Variants in EXOC6B observed in about 807,000 individuals in gnomAD.
EXOC6B encodes exocyst complex component 6B.
A neutral mutation model predicts 113.5 loss-of-function variants in EXOC6B; 54 were observed. The ratio of observed to expected loss-of-function variants is 0.48; its 90% CI spans 0.38 to 0.60. The LOEUF (loss-of-function observed/expected upper bound fraction) is 0.60, where lower values mean the gene tolerates loss of function less well. Among genes scored for constraint, EXOC6B ranks in the 20% least tolerant of loss-of-function variants. EXOC6B has a pLI of 0.00. For synonymous variants in EXOC6B, 357 were observed against 339.0 expected, an observed-to-expected ratio of 1.05 and a Z score of -0.58; for missense variants, 797 against 977.5, an observed-to-expected ratio of 0.82 and a Z score of 2.46.
At chr2:72,249,317 T>C (rs986357183) in intron 20 of EXOC6B, among the ~76,000 whole-genome samples, 6 of 152,124 alleles carry the variant, frequency 3.9e-5, no homozygotes, top group Non-Finnish European at 7.4e-5. Flanking sequence ...TGGAGTGCAG[T>C]GGTGCAATCT....
In EXOC6B at chr2:72,246,476, C is replaced by G. The variant is rs571994304; in HGVS notation, c.2197-62289G>C. Among the ~76,000 whole-genome samples the G allele has an allele frequency of 8.4e-4, 128 of 151,530 alleles. 1 individual carries two copies. Among genetic ancestry groups the G allele is most frequent in the African/African-American group, 3.0e-3 (123 of 41,224 alleles). ...GACTTACTGATGTAAGTCCGGAATG[C>G]CAATACTCTCTGGAATAGGTTAACT... On this transcript the variant is annotated intron_variant, in intron 20 of 21. Transcript: ENST00000272427.
At chr2:72,443,408 A>G (rs1247717932) in intron 18 of EXOC6B, among the ~76,000 whole-genome samples, 1 of 152,066 alleles carries the variant, frequency 6.6e-6, no homozygotes, top group Non-Finnish European at 1.5e-5. Flanking sequence ...TACATGTACA[A>G]CCATCTGATC....
At chr2:72,338,954 CACATACACAT>C (rs1425898292) in intron 19 of EXOC6B, among the ~76,000 whole-genome samples, 1 of 150,510 alleles carries the variant, frequency 6.6e-6, no homozygotes, top group Non-Finnish European at 1.5e-5. Context: ...CATACACATA[CACATACACAT>C]ACATACACAT....
chr2:72,652,351 T>G (rs1674238603), intron 6 of EXOC6B, among the ~76,000 whole-genome samples: 2 of 152,222 alleles, frequency 1.3e-5, no homozygotes, highest in South Asian at 4.1e-4. Flanking sequence ...GAGTTTGATT[T>G]ACTTGTCAAG....
intron 6 of EXOC6B, among the ~76,000 whole-genome samples, chr2:72,628,282 G>A (rs1331438281): frequency 1.3e-5 from 2 of 151,726 alleles, no homozygotes; most frequent in Non-Finnish European, 2.9e-5. Context: ...CACCACCACT[G>A]CTGCCTAATT....
At chr2:72,621,186 C>A (rs1671721815) in intron 6 of EXOC6B, among the ~76,000 whole-genome samples, 1 of 151,972 alleles carries the variant, frequency 6.6e-6, no homozygotes, top group South Asian at 2.1e-4. Context: ...ATCACTATGC[C>A]AAAAGACACA....
At chr2:72,575,009 T>C (rs1472757519) in intron 7 of EXOC6B, among the ~76,000 whole-genome samples, 1 of 152,342 alleles carries the variant, frequency 6.6e-6, no homozygotes, top group East Asian at 1.9e-4. Context: ...ATCACTCATA[T>C]ATTTATTTCC....
At chr2:72,199,637 T>C (rs896917642) in intron 20 of EXOC6B, among the ~76,000 whole-genome samples, 3 of 152,134 alleles carry the variant, frequency 2.0e-5, no homozygotes, top group African/African-American at 7.2e-5. Context: ...TACCCTTCCT[T>C]TTCTATCAGA....
At chr2:72,603,857 T>C (rs1303883832) in intron 6 of EXOC6B, among the ~76,000 whole-genome samples, 1 of 152,152 alleles carries the variant, frequency 6.6e-6, no homozygotes, top group African/African-American at 2.4e-5. Context: ...ATGTTTTTTG[T>C]TCCTGAAAGA....
At chr2:72,787,820 T>G (rs1490846106) in intron 1 of EXOC6B, among the ~76,000 whole-genome samples, 1 of 152,148 alleles carries the variant, frequency 6.6e-6, no homozygotes, top group Non-Finnish European at 1.5e-5. Flanking sequence ...TTTTTTCTTG[T>G]AGAGATGGGG....
In EXOC6B at chr2:72,401,601, ATGTG is replaced by A. The variant is rs1236320220; in HGVS notation, c.1981-21735_1981-21732del. ...TATATACATATATATATATATATAT[ATGTG>A]TATATATATATATATACATATATAT... is the stretch of plus-strand genomic sequence containing the variant. On this transcript the variant is annotated intron_variant, in intron 18 of 21. Transcript: ENST00000272427. Among the ~76,000 whole-genome samples the A allele has an allele frequency of 1.3e-3, 36 of 27,904 alleles. 1 individual carries two copies. Among genetic ancestry groups the A allele is most frequent in the Middle Eastern group, 0.016 (1 of 64 alleles). The allele number at this position is 27,904 out of a possible 152,430, so 18.3% of individuals were successfully genotyped here.
chr2:72,489,465 G>A (rs372919962), intron 16 of EXOC6B, among the ~76,000 whole-genome samples: 136 of 152,148 alleles, frequency 8.9e-4, no homozygotes, highest in African/African-American at 3.2e-3. Context: ...GTATTAATCA[G>A]TGCTTGACTG....
At chr2:72,637,664 C>T (rs1672944045) in intron 6 of EXOC6B, among the ~76,000 whole-genome samples, 1 of 152,038 alleles carries the variant, frequency 6.6e-6, no homozygotes, top group Non-Finnish European at 1.5e-5. Flanking sequence ...GTGGCACTCG[C>T]CTTTAGTCCC....
intron 6 of EXOC6B, among the ~76,000 whole-genome samples, chr2:72,679,118 T>C (rs1047166924): frequency 2.0e-5 from 3 of 152,008 alleles, no homozygotes; most frequent in African/African-American, 7.3e-5. Flanking sequence ...TCAGGCTGGA[T>C]AGTAATGGCG....
At chr2:72,656,280 TA>T (rs1336453153) in intron 6 of EXOC6B, among the ~76,000 whole-genome samples, 1 of 152,160 alleles carries the variant, frequency 6.6e-6, no homozygotes, top group African/African-American at 2.4e-5. Flanking sequence ...GGAAAAAGTT[TA>T]ATTGTTCAAT....
chr2:72,351,480 A>G lies in EXOC6B; in HGVS notation c.2123-16460T>C, dbSNP rs140293218. Among the ~76,000 whole-genome samples the G allele has an allele frequency of 1.2e-4, 19 of 152,296 alleles. No individual in the cohort carries two copies. In the East Asian group the frequency reaches 3.7e-3, roughly 29 times the overall value. On this transcript the variant is annotated intron_variant, in intron 19 of 21. Coordinates refer to ENST00000272427, the MANE Select transcript of EXOC6B (RefSeq NM_015189.3). ...GTCTTTATCTTCCATTCATTCCTCA[A>G]CTGCAATCTGGTTTACACCACCCTA...
At position 72,465,210 on chromosome 2, in the gene EXOC6B, C is replaced by G; in HGVS notation, c.1930G>C (p.Asp644His). The G allele has an allele frequency of 6.2e-7, 1 of 1,612,154 alleles. No homozygotes were observed. Among genetic ancestry groups the G allele is most frequent in the Non-Finnish European group, 8.5e-7 (1 of 1,179,156 alleles). Residue 644 changes from aspartate to histidine, a missense_variant, in exon 18 of 22, where the codon GAC becomes CAC. Coordinates refer to ENST00000272427, the MANE Select transcript of EXOC6B (RefSeq NM_015189.3). The stretch of plus-strand genomic sequence containing the variant: ...GTGCTACGAAGAAAGGCAATGAGGT[C>G]TACCAGGTAATCACTAGCTTTGTTG... The part of the protein sequence containing the change: ...LGNKASDYLV[D>H]LIAFLRSTFA...
chr2:72,434,569 G>A (rs1271709554), intron 18 of EXOC6B, among the ~76,000 whole-genome samples: 2 of 152,088 alleles, frequency 1.3e-5, no homozygotes, highest in East Asian at 3.9e-4. Flanking sequence ...ATTAATTACT[G>A]CTTCAATTTC....
At chr2:72,576,873 AAG>A (rs1704901245) in intron 6 of EXOC6B, among the ~76,000 whole-genome samples, 1 of 152,132 alleles carries the variant, frequency 6.6e-6, no homozygotes, top group South Asian at 2.1e-4. Context: ...TGACCTCTGA[AAG>A]TATACATTTC....
Sources: gnomAD v4.1 joint callset for allele counts (sites outside exome capture counted in the v4.1 genomes callset) on GRCh38, gnomAD v4.1.1 for gene constraint, MANE v1.5 for transcripts, NCBI Gene and HGNC (gene_info 2026-07-23, HGNC 2026-07-21) for gene names.